Variants in NPR2 observed in about 807,000 individuals in gnomAD.
The protein encoded by NPR2 is atrial natriuretic peptide receptor 2.
NPR2 carries 49 observed loss-of-function variants against 120.7 expected under a neutral mutation model. That is an observed-to-expected ratio of 0.41 (90% confidence interval 0.32 to 0.52). The LOEUF (loss-of-function observed/expected upper bound fraction) is 0.52, where lower values mean the gene tolerates loss of function less well. Ranked by LOEUF, NPR2 falls within the 20% of genes least tolerant of loss-of-function variation. The probability of loss-of-function intolerance (pLI) is 0.36; values close to 1 mark genes in which losing one functional copy is unlikely to be tolerated. For synonymous variants in NPR2, 484 were observed against 519.8 expected (o/e 0.93, Z 0.94); for missense variants, 931 against 1,362.9 (o/e 0.68, Z 4.99).
At position 35,801,065 on chromosome 9, in the gene NPR2, T is replaced by C. The variant is rs1037399385; in HGVS notation, c.1352-5T>C. ...TCTTCCTCAGGGTCTCTATTTCCCC[T>C]TCAGCTCCACTTTCAACCCTGGCAA... On this transcript the variant is annotated splice_region_variant and splice_polypyrimidine_tract_variant and intron_variant, in intron 6 of 21. Transcript: ENST00000342694. 1.2e-6 allele frequency: 2 copies of C among 1,612,888 alleles called. No homozygotes were observed. Among genetic ancestry groups the C allele is most frequent in the African/African-American group, 1.3e-5 (1 of 74,906 alleles).
chr9:35,809,031 A>G lies in NPR2; in HGVS notation c.2987-125A>G, dbSNP rs1344832594. On this transcript the variant is annotated intron_variant, in intron 20 of 21. Coordinates refer to ENST00000342694, the MANE Select transcript of NPR2 (RefSeq NM_003995.4). This position sits in a 1 kb window ranked among gnomAD's most constrained non-coding sequence, Gnocchi z 4.1. ...AGGTTGGGCATATTTTGGTCCTAAT[A>G]GATATGCATTGGGAGCTTCCCAGGG... The G allele has an allele frequency of 1.9e-6, 2 of 1,048,246 alleles. No individual in the cohort carries two copies. Among genetic ancestry groups the G allele is most frequent in the African/African-American group, 3.1e-5 (2 of 64,008 alleles). The allele number at this position is 1,048,246 out of a possible 1,614,324, so 64.9% of individuals were successfully genotyped here.
At position 35,801,780 on chromosome 9, in the gene NPR2, G is replaced by A. The variant is rs775651964; in HGVS notation, c.1557+17G>A. On this transcript the variant is annotated intron_variant, in intron 8 of 21. Transcript: ENST00000342694. ...CTGTCGCTGGTGAGCCCTTGTCTCAGCTGTTCCTCTGCCTCCCTCTGAGTT... is the reference window on the plus strand; with the variant it reads ...CTGTCGCTGGTGAGCCCTTGTCTCAACTGTTCCTCTGCCTCCCTCTGAGTT... The A allele has an allele frequency of 6.2e-6, 10 of 1,614,052 alleles. No individual in the cohort carries two copies. The East Asian group carries it at 2.0e-4, about 32-fold the overall frequency.
Position 35,802,078 on chromosome 9 carries a change from C to G in NPR2, c.1632+78C>G. 3.5e-6 allele frequency: 5 copies of G among 1,439,488 alleles called. No homozygotes were observed. Among genetic ancestry groups the G allele is most frequent in the Non-Finnish European group, 4.9e-6 (5 of 1,020,738 alleles). The allele number at this position is 1,439,488 out of a possible 1,614,324, so 89.2% of individuals were successfully genotyped here. ...CCATCTGCCACCTCTGCCCCTGAAC[C>G]TCTGTCCCTCATACCCGACTCTCTG... is the stretch of plus-strand genomic sequence containing the variant. On this transcript the variant is annotated intron_variant, in intron 9 of 21. Coordinates refer to ENST00000342694, the MANE Select transcript of NPR2 (RefSeq NM_003995.4). This position sits in a 1 kb window ranked among gnomAD's most constrained non-coding sequence, Gnocchi z 4.2.
In NPR2 at chr9:35,808,435, G is replaced by C; in HGVS notation, c.2713-74G>C. ...TCAGGATGATTAATGATGGTGTCAA[G>C]CTTGTCTCCCTCTACTTTTTCCCAT... On this transcript the variant is annotated intron_variant, in intron 18 of 21. Coordinates refer to ENST00000342694, the MANE Select transcript of NPR2 (RefSeq NM_003995.4). The surrounding 1 kb of genome is among the most constrained non-coding windows in gnomAD (Gnocchi z 4.0). 6.6e-7 allele frequency: 1 copy of C among 1,518,608 alleles called. No homozygotes were observed. Among genetic ancestry groups the C allele is most frequent in the South Asian group, 1.1e-5 (1 of 88,230 alleles). 94.1% of individuals were successfully genotyped at this position (1,518,608 alleles called of 1,614,324 possible). A position where few individuals can be genotyped will look rare whatever the true frequency, so the allele number is the denominator to read the frequency against.
intron 3 of NPR2, 81 bp from the exon 4 acceptor site, chr9:35,799,941 T>C: frequency 2.5e-6 from 4 of 1,589,160 alleles, no homozygotes; most frequent in Non-Finnish European, 3.4e-6. Flanking sequence ...GAAGAGAGAA[T>C]AGGTAGAAGG....
In NPR2 at chr9:35,800,808, G is replaced by A. The variant is rs1828123110; in HGVS notation, c.1318G>A (p.Ala440Thr). Residue 440 changes from alanine (A) to threonine (T), a missense_variant, in exon 6 of 22, where the codon GCC becomes ACC. By Grantham distance (58) the Ala-to-Thr change is moderately conservative. This residue lies in a region of NPR2 where 681 missense variants were observed against 974.3 expected (regional missense o/e 0.70). Coordinates refer to ENST00000342694, the MANE Select transcript of NPR2 (RefSeq NM_003995.4). The surrounding 1 kb of genome is among the most constrained non-coding windows in gnomAD (Gnocchi z 4.7). ...GAPPSDNPPC[A>T]FDLDDPSCDK... ...TCCTCCCTCGGACAATCCCCCCTGT[G>A]CCTTTGACTTGGACGACCCATCCTG... 6.2e-7 allele frequency: 1 copy of A among 1,614,164 alleles called. No homozygotes were observed. Among genetic ancestry groups the A allele is most frequent in the Non-Finnish European group, 8.5e-7 (1 of 1,180,016 alleles).
In NPR2 at chr9:35,793,008, C is replaced by T. The variant is rs762831454; in HGVS notation, c.600C>T (p.His200=). Reference sequence around the variant, plus strand: ...AGGGCAGCAACCTCAGTGTGCAGCACCAGGTGTATGCCCGAGAGCCAGGGG... The same window carrying T: ...AGGGCAGCAACCTCAGTGTGCAGCATCAGGTGTATGCCCGAGAGCCAGGGG... ...ALQGSNLSVQ[H]QVYAREPGGP... Residue 200 remains histidine (H), a synonymous_variant, in exon 1 of 22, where the codon CAC becomes CAT. Transcript: ENST00000342694. The T allele has an allele frequency of 1.9e-6, 3 of 1,612,450 alleles. No individual in the cohort carries two copies. Among genetic ancestry groups the T allele is most frequent in the Non-Finnish European group, 8.5e-7 (1 of 1,179,416 alleles).
chr9:35,807,907 T>C lies in NPR2; in HGVS notation c.2712+509T>C, dbSNP rs1828494024. ...AGAATCTCCCTGAGCCTCAGTTGTT[T>C]TATCTGTAAGATGGGAATAATAGAT... On this transcript the variant is annotated intron_variant, in intron 18 of 21. Coordinates refer to ENST00000342694, the MANE Select transcript of NPR2 (RefSeq NM_003995.4). 1.3e-5 allele frequency: 6 copies of C among 477,086 alleles called. No individual in the cohort carries two copies. The South Asian group carries it at 1.3e-4, about 11-fold the overall frequency. 29.6% of individuals were successfully genotyped at this position (477,086 alleles called of 1,614,324 possible). A position where few individuals can be genotyped will look rare whatever the true frequency, so the allele number is the denominator to read the frequency against.
At chr9:35,793,308 C>T (rs1439590649) in intron 1 of NPR2, among the ~76,000 whole-genome samples, 7 of 152,034 alleles carry the variant, frequency 4.6e-5, no homozygotes, top group Non-Finnish European at 1.5e-5. Context: ...AGGGGTGAAG[C>T]CTTGTATCAA....
chr9:35,802,823 T>A lies in NPR2; in HGVS notation c.1887+20T>A. On this transcript the variant is annotated intron_variant, in intron 12 of 21. Coordinates refer to ENST00000342694, the MANE Select transcript of NPR2 (RefSeq NM_003995.4). The surrounding 1 kb of genome is among the most constrained non-coding windows in gnomAD (Gnocchi z 4.2). ...GTTAAGGTGAGTCTTCCCCACTCCT[T>A]AAAAGTTCATCCACTTTAAATCACT... 6.6e-7 allele frequency: 1 copy of A among 1,506,488 alleles called. No homozygotes were observed. Among genetic ancestry groups the A allele is most frequent in the Non-Finnish European group, 9.2e-7 (1 of 1,082,612 alleles). 93.3% of individuals were successfully genotyped at this position (1,506,488 alleles called of 1,614,324 possible).
chr9:35,807,476 C>T (rs1381190598), intron 18 of NPR2, 78 bp downstream of exon 18: 1 of 1,117,522 alleles, frequency 8.9e-7, no homozygotes, highest in Non-Finnish European at 1.4e-6. Context: ...CTGAACCCCA[C>T]ACACCTTACC....
In NPR2 at chr9:35,809,257, G is replaced by T. The variant is rs767663187; in HGVS notation, c.3078+10G>T. The T allele has an allele frequency of 1.9e-6, 3 of 1,613,520 alleles. No individual in the cohort carries two copies. The highest frequency in any genetic ancestry group is 2.5e-6 in the Non-Finnish European group (3 of 1,179,604). ...GGATGTGGAAATGAAGGTGATGGCA[G>T]GCCATGGGGAGGGGGGCATGGAAAG... On this transcript the variant is annotated intron_variant, in intron 21 of 21. Transcript: ENST00000342694. This position sits in a 1 kb window ranked among gnomAD's most constrained non-coding sequence, Gnocchi z 4.1.
intron 3 of NPR2, 69 bp downstream of exon 3, chr9:35,799,800 C>A: frequency 6.9e-7 from 1 of 1,455,900 alleles, no homozygotes; most frequent in Non-Finnish European, 9.6e-7. Context: ...CCAAACTCAG[C>A]ATCAAGTCTT....
In NPR2 at chr9:35,809,322, G is replaced by A; in HGVS notation, c.3079-58G>A. On this transcript the variant is annotated intron_variant, in intron 21 of 21. Coordinates refer to ENST00000342694, the MANE Select transcript of NPR2 (RefSeq NM_003995.4). This position sits in a 1 kb window ranked among gnomAD's most constrained non-coding sequence, Gnocchi z 4.1. ...ATTATGGGAATCATAGGGAAAGAGAGGGAGACAAAGGGACTAACATCGAAG... is the reference window on the plus strand; with the variant it reads ...ATTATGGGAATCATAGGGAAAGAGAAGGAGACAAAGGGACTAACATCGAAG... 1.2e-6 allele frequency: 2 copies of A among 1,611,068 alleles called. No individual in the cohort carries two copies. The highest frequency in any genetic ancestry group is 1.3e-5 in the African/African-American group (1 of 74,968).
rs747247133 is a variant in NPR2, at chr9:35,792,750, C to T, written c.342C>T (p.His114=). Residue 114 remains histidine (H), a synonymous_variant, in exon 1 of 22, where the codon CAC becomes CAT. Transcript: ENST00000342694. ...PAASVARFAS[H]WRLPLLTAGA... ...CCTCTGTGGCCCGCTTTGCCTCCCACTGGCGCCTTCCCCTGCTGACTGCGG... is the reference window on the plus strand; with the variant it reads ...CCTCTGTGGCCCGCTTTGCCTCCCATTGGCGCCTTCCCCTGCTGACTGCGG... 1.5e-5 allele frequency: 24 copies of T among 1,614,098 alleles called. No individual in the cohort carries two copies. The highest frequency in any genetic ancestry group is 6.7e-5 in the Admixed American group (4 of 60,010).
intron 18 of NPR2, chr9:35,807,975 A>G: frequency 1.7e-6 from 1 of 582,682 alleles, no homozygotes; most frequent in Non-Finnish European, 3.1e-6. Context: ...CATGTGGCAG[A>G]CTACTATTTA....
At position 35,800,544 on chromosome 9, in the gene NPR2, C is replaced by G; in HGVS notation, c.1218+61C>G. On this transcript the variant is annotated intron_variant, in intron 5 of 21. Transcript: ENST00000342694. This position sits in a 1 kb window ranked among gnomAD's most constrained non-coding sequence, Gnocchi z 4.7. ...CTGCAAAATCCAGCTTTCAAGGGTT[C>G]AGTCGGGGCAGAACCAAAACTACTA... 6.4e-7 allele frequency: 1 copy of G among 1,570,526 alleles called. No homozygotes were observed. Among genetic ancestry groups the G allele is most frequent in the South Asian group, 1.1e-5 (1 of 90,092 alleles).
At chr9:35,804,940 G>A (rs1349638258) in intron 12 of NPR2, among the ~76,000 whole-genome samples, 7 of 48,750 alleles carry the variant, frequency 1.4e-4, no homozygotes, top group Non-Finnish European at 2.7e-4. Flanking sequence ...CCTCTACCCC[G>A]ACCTGCCCAC....
Position 35,802,483 on chromosome 9 carries a change from CCATT to C in NPR2, c.1711-19_1711-16del. 1 of 1,435,730 alleles carries C rather than the reference CCATT, an allele frequency of 7.0e-7. No individual in the cohort carries two copies. The highest frequency in any genetic ancestry group is 9.8e-7 in the Non-Finnish European group (1 of 1,017,340). The allele number at this position is 1,435,730 out of a possible 1,614,324, so 88.9% of individuals were successfully genotyped here. On this transcript the variant is annotated splice_polypyrimidine_tract_variant and intron_variant, in intron 10 of 21. Transcript: ENST00000342694. The surrounding 1 kb of genome is among the most constrained non-coding windows in gnomAD (Gnocchi z 4.2). ...AACTCTTTCAATTTTCTTATCCTTC[CCATT>C]GTTTTTTTCTGCCAGATGAGAGATG...
Sources: gnomAD v4.1 joint callset for allele counts (sites outside exome capture counted in the v4.1 genomes callset) on GRCh38, gnomAD v4.1.1 for gene constraint, gnomAD v4.1.1 regional missense constraint, Gnocchi (gnomAD v3.1) non-coding constraint, MANE v1.5 for transcripts, NCBI Gene and HGNC (gene_info 2026-07-23, HGNC 2026-07-21) for gene names.